TRMT9B: variants seen among roughly 807,000 people sequenced by gnomAD.
The protein encoded by TRMT9B is tRNA methyltransferase 9B (putative), also known as probable tRNA methyltransferase 9B.
TRMT9B carries 16 observed loss-of-function variants against 11.5 expected under a neutral mutation model. The ratio of observed to expected loss-of-function variants is 1.39; its 90% CI spans 0.94 to 2.11. TRMT9B has a LOEUF of 2.11. TRMT9B is among the 30% of genes most tolerant of loss of function. TRMT9B has a pLI of 0.00. For missense variants in TRMT9B, 941 were observed against 553.8 expected (o/e 1.70, Z -7.02); for synonymous variants, 274 against 192.4 (o/e 1.42, Z -3.51).
chr8:13,021,844 C>G lies in TRMT9B; in HGVS notation c.1165C>G (p.Pro389Ala), dbSNP rs779734134. 13 of 1,613,518 alleles carry G rather than the reference C, an allele frequency of 8.1e-6. No homozygotes were observed. In the Admixed American group the frequency reaches 1.8e-4, roughly 23 times the overall value. Reference protein sequence around the residue: ...ISAVDSTDFNPDDTMSVEDPQ... With the variant: ...ISAVDSTDFNADDTMSVEDPQ... ...TGCAGTTGATTCCACAGATTTCAACCCAGATGATACAATGTCTGTCGAAGA... is the reference window on the plus strand; with the variant it reads ...TGCAGTTGATTCCACAGATTTCAACGCAGATGATACAATGTCTGTCGAAGA... The change falls in exon 5 of 5, where the codon CCA becomes GCA. Residue 389 changes from proline to alanine, a missense_variant. Physicochemically the swap from Pro to Ala is conservative, Grantham distance 27 (BLOSUM62 -1). Coordinates refer to ENST00000524591, the MANE Select transcript of TRMT9B (RefSeq NM_020844.3).
intron 2 of TRMT9B, among the ~76,000 whole-genome samples, chr8:12,994,691 T>C (rs1808019322): frequency 6.6e-6 from 1 of 152,226 alleles, no homozygotes; most frequent in East Asian, 1.9e-4. Flanking sequence ...TTTTCTTTTT[T>C]TTTATTTGAG....
chr8:12,954,765 C>G (rs534321441), intron 1 of TRMT9B, among the ~76,000 whole-genome samples: 1 of 152,348 alleles, frequency 6.6e-6, no homozygotes, highest in African/African-American at 2.4e-5. Flanking sequence ...TTGCATAGAA[C>G]TCCTAGCTGA....
At chr8:12,991,065 A>G (rs761240955) in intron 2 of TRMT9B, 34 bp downstream of exon 2, 3 of 1,091,854 alleles carry the variant, frequency 2.7e-6, no homozygotes, top group Non-Finnish European at 3.5e-6. Flanking sequence ...CAACTCACAT[A>G]CCATGAGGTG....
At chr8:13,016,120 T>TAC (rs1171147344) in intron 4 of TRMT9B, among the ~76,000 whole-genome samples, 1 of 144,798 alleles carries the variant, frequency 6.9e-6, no homozygotes, top group African/African-American at 2.6e-5. Flanking sequence ...TATATATATA[T>TAC]ACATATAACA....
intron 3 of TRMT9B, chr8:13,010,673 A>T (rs948444819): frequency 4.1e-5 from 40 of 984,732 alleles, no homozygotes; most frequent in Non-Finnish European, 4.6e-5. Flanking sequence ...CTAAAGATGT[A>T]TGAGTCTGAT....
intron 1 of TRMT9B, among the ~76,000 whole-genome samples, chr8:12,980,489 G>T (rs998056839): frequency 2.0e-5 from 3 of 152,152 alleles, no homozygotes; most frequent in Admixed American, 1.3e-4. Context: ...CACGGGACGG[G>T]GAGTGGGCAA....
rs1814775868 is a variant in TRMT9B, at chr8:13,027,086, T to C, written c.*5042T>C. ...ATTATATTATTGTTTTCCCATTTTA[T>C]AAGTAAGGCAACTGAGGACTATTCA... On this transcript the variant is annotated 3_prime_UTR_variant, in exon 5 of 5. Coordinates refer to ENST00000524591, the MANE Select transcript of TRMT9B (RefSeq NM_020844.3). 1 of 167,138 alleles carries C rather than the reference T, an allele frequency of 6.0e-6. No homozygotes were observed. Among genetic ancestry groups the C allele is most frequent in the Non-Finnish European group, 1.5e-5 (1 of 68,130 alleles). The allele number at this position is 167,138 out of a possible 1,614,324, so 10.4% of individuals were successfully genotyped here.
chr8:12,989,730 G>A (rs1180900316), intron 1 of TRMT9B, among the ~76,000 whole-genome samples: 1 of 152,214 alleles, frequency 6.6e-6, no homozygotes, highest in Non-Finnish European at 1.5e-5. Context: ...CCCTGTCATA[G>A]GGACTCAGTT....
chr8:12,992,824 A>G (rs2947375), intron 2 of TRMT9B, among the ~76,000 whole-genome samples: 117,155 of 152,010 alleles, frequency 0.77, 45,162 homozygotes, highest in Middle Eastern at 0.86. Flanking sequence ...AGCAGAGATC[A>G]TGCCACTACA....
rs551479294 is a variant in TRMT9B at position 12,948,619 on chromosome 8, A to G, written c.-200+2653A>G. On this transcript the variant is annotated intron_variant, in intron 1 of 4. Coordinates refer to ENST00000524591, the MANE Select transcript of TRMT9B (RefSeq NM_020844.3). ...ATAATAATAAAATGTAATGATAAAG[A>G]AACTTAGTTAACTAAGCAACACACA... is the stretch of plus-strand genomic sequence containing the variant. 2.6e-5 allele frequency among the ~76,000 whole-genome samples: 4 copies of G among 151,280 alleles called. No individual in the cohort carries two copies. In the South Asian group the frequency reaches 8.3e-4, roughly 31 times the overall value.
chr8:12,969,105 C>A (rs145607736), intron 1 of TRMT9B, among the ~76,000 whole-genome samples: 1 of 152,060 alleles, frequency 6.6e-6, no homozygotes, highest in Non-Finnish European at 1.5e-5. Flanking sequence ...TCTAGCTACT[C>A]GGGAGGCTGA....
chr8:12,981,127 C>T (rs1182712653), intron 1 of TRMT9B, among the ~76,000 whole-genome samples: 1 of 152,066 alleles, frequency 6.6e-6, no homozygotes, highest in African/African-American at 2.4e-5. Flanking sequence ...ATAGAAGCAA[C>T]ACATTGATTT....
At chr8:12,986,961 C>G (rs904316065) in intron 1 of TRMT9B, among the ~76,000 whole-genome samples, 2 of 152,216 alleles carry the variant, frequency 1.3e-5, no homozygotes, top group African/African-American at 4.8e-5. Context: ...AAACCGAGAT[C>G]AACTTTTGTC....
intron 2 of TRMT9B, among the ~76,000 whole-genome samples, chr8:12,991,585 T>C (rs1807339313): frequency 6.6e-6 from 1 of 152,172 alleles, no homozygotes; most frequent in Admixed American, 6.5e-5. Flanking sequence ...TTCCAATATT[T>C]GTATTTCTTT....
chr8:13,015,167 T>C (rs1812400822), intron 4 of TRMT9B, among the ~76,000 whole-genome samples: 1 of 152,154 alleles, frequency 6.6e-6, no homozygotes, highest in African/African-American at 2.4e-5. Context: ...TTATTTTTTA[T>C]TTTTTTAACT....
At position 13,021,916 on chromosome 8, in the gene TRMT9B, C is replaced by T. The variant is rs774705146; in HGVS notation, c.1237C>T (p.His413Tyr). The T allele has an allele frequency of 2.5e-6, 4 of 1,613,750 alleles. No homozygotes were observed. The South Asian group carries it at 4.4e-5, about 18-fold the overall frequency. ...LDSTAFMRYY[H>Y]VFREGELCSL... ...CTCCACAGCCTTTATGCGCTACTAC[C>T]ATGTGTTTCGAGAAGGGGAGCTCTG... The change falls in exon 5 of 5, where the codon CAT (histidine) becomes TAT (tyrosine). Residue 413 changes from histidine to tyrosine, a missense_variant. Coordinates refer to ENST00000524591, the MANE Select transcript of TRMT9B (RefSeq NM_020844.3).
chr8:13,007,880 G>T (rs1399075617), intron 3 of TRMT9B, among the ~76,000 whole-genome samples: 2 of 152,100 alleles, frequency 1.3e-5, no homozygotes, highest in South Asian at 2.1e-4. Context: ...AGGACTAAAT[G>T]ACTAGATTGT....
chr8:13,015,219 A>AT (rs1243236644), intron 4 of TRMT9B, among the ~76,000 whole-genome samples: 1 of 151,670 alleles, frequency 6.6e-6, no homozygotes, highest in Admixed American at 6.6e-5. Flanking sequence ...TGATTCAAGA[A>AT]TTTTTTATTT....
chr8:12,953,567 G>A (rs144236813), intron 1 of TRMT9B, among the ~76,000 whole-genome samples: 1 of 152,258 alleles, frequency 6.6e-6, no homozygotes, highest in Non-Finnish European at 1.5e-5. Flanking sequence ...TGGCCAGGCT[G>A]GTCTTGAACT....
Sources: gnomAD v4.1 joint callset for allele counts (sites outside exome capture counted in the v4.1 genomes callset) on GRCh38, gnomAD v4.1.1 for gene constraint, MANE v1.5 for transcripts, NCBI Gene and HGNC (gene_info 2026-07-23, HGNC 2026-07-21) for gene names.